The following POU6F2 variants were observed in gnomAD, a reference collection of about 807,000 sequenced individuals.
POU6F2 encodes the protein POU domain, class 6, transcription factor 2.
Under a neutral mutation model 71.3 loss-of-function variants are expected in POU6F2, and 31 were observed. The observed-to-expected ratio is 0.43, with a 90% CI of 0.33 to 0.59. POU6F2 has a LOEUF of 0.59. Among genes scored for constraint, POU6F2 ranks in the 20% least tolerant of loss-of-function variants. The pLI is 0.04. For missense variants in POU6F2, 783 were observed against 856.8 expected (o/e 0.91, Z 1.07); for synonymous variants, 347 against 355.7 (o/e 0.98, Z 0.27).
At chr7:39,203,957 G>A (rs896413475) in intron 2 of POU6F2, among the ~76,000 whole-genome samples, 8 of 152,034 alleles carry the variant, frequency 5.3e-5, no homozygotes, top group African/African-American at 9.7e-5. Flanking sequence ...GCTGTGGCTC[G>A]CCTGTACTTA....
At chr7:39,439,864 A>T (rs1788349647) in intron 7 of POU6F2, among the ~76,000 whole-genome samples, 1 of 141,410 alleles carries the variant, frequency 7.1e-6, no homozygotes, top group African/African-American at 2.8e-5. Flanking sequence ...GAGCTCTTGC[A>T]GAGCAGGTAT....
At chr7:39,287,801 G>T (rs1480614596) in intron 4 of POU6F2, among the ~76,000 whole-genome samples, 1 of 152,182 alleles carries the variant, frequency 6.6e-6, no homozygotes, top group African/African-American at 2.4e-5. Flanking sequence ...CACTAAATCA[G>T]AGCCTGCATT....
chr7:39,243,791 G>A (rs989630029), intron 4 of POU6F2, among the ~76,000 whole-genome samples: 4 of 151,970 alleles, frequency 2.6e-5, no homozygotes, highest in Admixed American at 2.6e-4. Flanking sequence ...GAAGTCCCCA[G>A]AATCCATCTG....
chr7:39,137,838 A>G (rs548023248), intron 2 of POU6F2, among the ~76,000 whole-genome samples: 8 of 151,856 alleles, frequency 5.3e-5, no homozygotes, highest in Admixed American at 1.3e-4. Context: ...ACTTACTTCC[A>G]AGCTTCTTGG....
At chr7:39,377,402 A>C (rs1786731445) in intron 5 of POU6F2, among the ~76,000 whole-genome samples, 2 of 152,172 alleles carry the variant, frequency 1.3e-5, no homozygotes, top group South Asian at 4.1e-4. Context: ...AAGTGCCGGG[A>C]TTACAGGCAT....
rs529139811 is a variant in POU6F2 at position 39,168,368 on chromosome 7, T to C, written c.278-35867T>C. Among the ~76,000 whole-genome samples the C allele has an allele frequency of 5.0e-4, 76 of 152,286 alleles. 1 individual carries two copies. The South Asian group carries it at 0.013, about 27-fold the overall frequency. ...AAATGACTTGTCTAAGGTCTCTAAT[T>C]AATGGCTGTGTTGATTCTGGAAAAC... On this transcript the variant is annotated intron_variant, in intron 2 of 9. Transcript: ENST00000518318.
At chr7:39,077,722 C>T (rs543543757) in intron 1 of POU6F2, among the ~76,000 whole-genome samples, 85 of 152,236 alleles carry the variant, frequency 5.6e-4, no homozygotes, top group Non-Finnish European at 9.3e-4. Flanking sequence ...CCTGTTACAC[C>T]GAAGGAAATC....
At chr7:39,302,479 T>C (rs952300413) in intron 4 of POU6F2, among the ~76,000 whole-genome samples, 6 of 152,240 alleles carry the variant, frequency 3.9e-5, no homozygotes, top group Admixed American at 2.0e-4. Context: ...AATTCAGTAG[T>C]TGAATCTATA....
At chr7:39,100,504 A>G (rs1028388547) in intron 2 of POU6F2, among the ~76,000 whole-genome samples, 8 of 152,194 alleles carry the variant, frequency 5.3e-5, no homozygotes, top group African/African-American at 1.9e-4. Context: ...TTACATATTC[A>G]TGCCCTATGC....
rs558331127 is a variant in POU6F2 at position 39,359,356 on chromosome 7, A to G, written c.972+19341A>G. Among the ~76,000 whole-genome samples, 4 of 152,330 alleles carry G rather than the reference A, an allele frequency of 2.6e-5. No homozygotes were observed. The South Asian group carries it at 6.2e-4, about 24-fold the overall frequency. ...GGCATGGCCAGTAGAGAGAAACACCATATAACCCAACAAGATACTCATATA... is the reference window on the plus strand; with the variant it reads ...GGCATGGCCAGTAGAGAGAAACACCGTATAACCCAACAAGATACTCATATA... On this transcript the variant is annotated intron_variant, in intron 5 of 9. Transcript: ENST00000518318.
At chr7:39,193,693 T>G (rs183138090) in intron 2 of POU6F2, among the ~76,000 whole-genome samples, 23 of 152,266 alleles carry the variant, frequency 1.5e-4, no homozygotes, top group African/African-American at 4.8e-4. Context: ...GGCTGGCACA[T>G]GGTAAGTATT....
At chr7:39,166,058 C>T (rs1793106779) in intron 2 of POU6F2, among the ~76,000 whole-genome samples, 1 of 152,182 alleles carries the variant, frequency 6.6e-6, no homozygotes, top group African/African-American at 2.4e-5. Context: ...GCACAAATAC[C>T]TGTTCATGTT....
Position 39,208,541 on chromosome 7 carries a change from C to T in POU6F2, c.598+921C>T, listed in dbSNP as rs982528410. On this transcript the variant is annotated intron_variant, in intron 4 of 9. Coordinates refer to ENST00000518318, the MANE Select transcript of POU6F2 (RefSeq NM_001370959.1). ...AATGTTAGGGCTTCATATAATTTAT[C>T]GGAGAATCAGTCCACAAGACTAAGA... is the stretch of plus-strand genomic sequence containing the variant. Among the ~76,000 whole-genome samples the T allele has an allele frequency of 7.2e-5, 11 of 152,244 alleles. No individual in the cohort carries two copies. The East Asian group carries it at 1.3e-3, about 19-fold the overall frequency.
At chr7:39,160,857 C>T (rs925792982) in intron 2 of POU6F2, among the ~76,000 whole-genome samples, 2 of 152,130 alleles carry the variant, frequency 1.3e-5, no homozygotes, top group African/African-American at 4.8e-5. Context: ...TTGTCAGTGA[C>T]TTGCTAAGTG....
At chr7:39,068,905 C>T (rs896422928) in intron 1 of POU6F2, among the ~76,000 whole-genome samples, 16 of 152,116 alleles carry the variant, frequency 1.1e-4, no homozygotes, top group African/African-American at 3.6e-4. Context: ...TTGCTGAGCC[C>T]TGCCCTGTGA....
chr7:39,449,738 A>G (rs1407363457), intron 7 of POU6F2, among the ~76,000 whole-genome samples: 1 of 152,202 alleles, frequency 6.6e-6, no homozygotes, highest in Admixed American at 6.5e-5. Flanking sequence ...AATATACCAT[A>G]TTCATATAAG....
intron 1 of POU6F2, among the ~76,000 whole-genome samples, chr7:39,011,349 T>C (rs1459637891): frequency 6.6e-6 from 1 of 151,748 alleles, no homozygotes; most frequent in African/African-American, 2.4e-5. Flanking sequence ...TTGCAACCCC[T>C]GCCTTTTTTT....
chr7:39,169,591 G>A (rs1034104678), intron 2 of POU6F2, among the ~76,000 whole-genome samples: 13 of 152,068 alleles, frequency 8.5e-5, no homozygotes, highest in African/African-American at 2.2e-4. Flanking sequence ...TGGGCCTAAC[G>A]TAGACACATG....
chr7:39,063,984 C>G (rs1562691314), intron 1 of POU6F2, among the ~76,000 whole-genome samples: 1 of 151,956 alleles, frequency 6.6e-6, no homozygotes, highest in Admixed American at 6.6e-5. Context: ...TGATACACCA[C>G]CCACATAATC....
Sources: gnomAD v4.1 joint callset for allele counts (sites outside exome capture counted in the v4.1 genomes callset) on GRCh38, gnomAD v4.1.1 for gene constraint, MANE v1.5 for transcripts, NCBI Gene and HGNC (gene_info 2026-07-23, HGNC 2026-07-21) for gene names.